DMXL1: variants seen among roughly 807,000 people sequenced by gnomAD.
DMXL1 encodes the protein Dmx like 1.
DMXL1 carries 99 observed loss-of-function variants against 319.2 expected under a neutral mutation model. That is an observed-to-expected ratio of 0.31 (90% CI 0.26 to 0.37). The LOEUF is 0.37. DMXL1 is among the 10% of genes least tolerant of loss of function. The probability of loss-of-function intolerance (pLI) is 1.00; values close to 1 mark genes in which losing one functional copy is unlikely to be tolerated. For synonymous variants in DMXL1, 1,385 were observed against 1,235.2 expected (o/e 1.12, Z -2.54); for missense variants, 3,745 against 3,595.6 (o/e 1.04, Z -1.06).
Position 119,118,855 on chromosome 5 carries a change from A to T in DMXL1, c.784A>T (p.Asn262Tyr). 6.2e-7 allele frequency: 1 copy of T among 1,613,786 alleles called. No homozygotes were observed. Among genetic ancestry groups the T allele is most frequent in the Non-Finnish European group, 8.5e-7 (1 of 1,179,892 alleles). Residue 262 changes from asparagine to tyrosine, a missense_variant, in exon 8 of 44, where the codon AAT becomes TAT. By Grantham distance (143) the Asn-to-Tyr change is moderately radical. This residue lies in a region of DMXL1 where 2,096 missense variants were observed against 1,985.4 expected (regional missense o/e 1.06). Transcript: ENST00000539542. ...CNVLLTCCKD[N>Y]VCRLWVETFL... ...TGTACTGTTGACTTGCTGCAAAGATAATGTGTGTCGTCTTTGGGTAGAGAC... is the reference window on the plus strand; with the variant it reads ...TGTACTGTTGACTTGCTGCAAAGATTATGTGTGTCGTCTTTGGGTAGAGAC...
At chr5:119,144,471 C>T in intron 14 of DMXL1, 65 bp from the exon 15 acceptor site, 1 of 1,133,196 alleles carries the variant, frequency 8.8e-7, no homozygotes, top group Non-Finnish European at 1.3e-6. Flanking sequence ...TATTATTTTT[C>T]TGGCTATTTA....
In DMXL1 at chr5:119,133,957, T is replaced by C; in HGVS notation, c.2033T>C (p.Ile678Thr). 6.2e-7 allele frequency: 1 copy of C among 1,614,198 alleles called. No homozygotes were observed. Among genetic ancestry groups the C allele is most frequent in the Non-Finnish European group, 8.5e-7 (1 of 1,180,026 alleles). ...GAGCAACCTTTTGATGCTCTAAATA[T>C]TGAAGAATGCTCTTTGACACAACAA... is the stretch of plus-strand genomic sequence containing the variant. Reference protein sequence around the residue: ...NPEQPFDALNIEECSLTQQNK... With the variant: ...NPEQPFDALNTEECSLTQQNK... The change falls in exon 12 of 44, where the codon ATT (isoleucine) becomes ACT (threonine). Residue 678 changes from isoleucine to threonine, a missense_variant. By Grantham distance (89) the Ile-to-Thr change is moderately conservative (BLOSUM62 -1). Around this residue, in one of 4 missense-constraint regions of DMXL1, gnomAD observed 2,096 missense variants for 1,985.4 expected, o/e 1.06. Transcript: ENST00000539542.
chr5:119,128,862 G>A (rs191215295), intron 9 of DMXL1, among the ~76,000 whole-genome samples: 7 of 152,180 alleles, frequency 4.6e-5, no homozygotes, highest in Admixed American at 2.0e-4. Flanking sequence ...TTGGGAGATC[G>A]AGACCATCTT....
intron 1 of DMXL1, among the ~76,000 whole-genome samples, chr5:119,089,292 A>ATATATATATTTTTTTTTTT (rs1193170456): frequency 2.5e-5 from 1 of 39,882 alleles, no homozygotes; most frequent in African/African-American, 8.4e-5. Flanking sequence ...ATATATATAT[A>ATATATATATTTTTTTTTTT]TTTTTTTTTT....
chr5:119,177,367 A>G lies in DMXL1; in HGVS notation c.6769A>G (p.Thr2257Ala), dbSNP rs111515969. ...CGSHNYSSFQTNQFTGMVYQT... is the reference protein window; with the variant it reads ...CGSHNYSSFQANQFTGMVYQT... ...GTTTTTTTCTCTTAGTTCATTTCAG[A>G]CGAATCAGTTTACTGGAATGGTATA... is the stretch of plus-strand genomic sequence containing the variant. The change falls in exon 27 of 44, where the codon ACG becomes GCG. Residue 2257 changes from threonine (T) to alanine (A), a missense_variant. Around this residue, in one of 4 missense-constraint regions of DMXL1, gnomAD observed 1,382 missense variants for 1,269.5 expected, o/e 1.09. Transcript: ENST00000539542. 1.3e-6 allele frequency: 2 copies of G among 1,549,206 alleles called. No homozygotes were observed. The highest frequency in any genetic ancestry group is 1.3e-5 in the South Asian group (1 of 78,308).
intron 13 of DMXL1, among the ~76,000 whole-genome samples, chr5:119,135,311 A>G (rs562859069): frequency 6.6e-6 from 1 of 152,314 alleles, no homozygotes; most frequent in East Asian, 1.9e-4. Flanking sequence ...AAATATATTA[A>G]TTAAAAATAC....
chr5:119,233,610 G>T lies in DMXL1; in HGVS notation c.8466+143G>T. ...TAGATGCTTTTAAATTCTTCTCAAA[G>T]AACACTTAACTTCACTTGTTCTTCC... On this transcript the variant is annotated intron_variant, in intron 39 of 43. Transcript: ENST00000539542. The T allele has an allele frequency of 8.6e-6, 5 of 584,676 alleles. 1 individual carries two copies. In the South Asian group the frequency reaches 1.3e-4, roughly 15 times the overall value. 36.2% of individuals were successfully genotyped at this position (584,676 alleles called of 1,614,324 possible).
At chr5:119,213,473 T>C (rs1783150352) in intron 34 of DMXL1, among the ~76,000 whole-genome samples, 1 of 152,206 alleles carries the variant, frequency 6.6e-6, no homozygotes, top group Non-Finnish European at 1.5e-5. Flanking sequence ...TGTTTACCTC[T>C]CTCAAATTAT....
At chr5:119,100,304 C>T (rs1406566080) in intron 2 of DMXL1, among the ~76,000 whole-genome samples, 3 of 151,604 alleles carry the variant, frequency 2.0e-5, no homozygotes, top group South Asian at 2.1e-4. Flanking sequence ...GGCGTGGTGG[C>T]GGGCGTCTGT....
chr5:119,081,818 A>G (rs1267904513), intron 1 of DMXL1: 2 of 703,726 alleles, frequency 2.8e-6, no homozygotes, highest in Non-Finnish European at 3.5e-6. Context: ...AGGTTTTAAG[A>G]AAAGAGTTCC....
intron 37 of DMXL1, among the ~76,000 whole-genome samples, chr5:119,221,584 C>G (rs73244825): frequency 0.022 from 3,396 of 152,146 alleles, 126 homozygotes; most frequent in African/African-American, 0.077. Flanking sequence ...TCCATTTTGT[C>G]TGTGGATGCC....
intron 1 of DMXL1, 35 bp downstream of exon 1, chr5:119,071,691 C>G (rs908116199): frequency 1.3e-6 from 2 of 1,542,124 alleles, no homozygotes; most frequent in Non-Finnish European, 8.8e-7. Context: ...GCCCGTGGCC[C>G]GGCCTTTGCC....
intron 1 of DMXL1, among the ~76,000 whole-genome samples, chr5:119,077,806 G>A (rs1751314360): frequency 7.4e-6 from 1 of 135,630 alleles, no homozygotes; most frequent in African/African-American, 2.9e-5. Context: ...TACTTACCTG[G>A]CGAGACCCTA....
intron 39 of DMXL1, 198 bp from the exon 40 acceptor site, chr5:119,237,124 C>G (rs906377672): frequency 2.9e-6 from 1 of 339,892 alleles, no homozygotes; most frequent in East Asian, 4.9e-5. Flanking sequence ...TGTTTGTTCT[C>G]TTTATGTTCA....
At chr5:119,216,623 A>C (rs532418588) in intron 34 of DMXL1, among the ~76,000 whole-genome samples, 8 of 152,328 alleles carry the variant, frequency 5.3e-5, no homozygotes, top group African/African-American at 1.9e-4. Flanking sequence ...TTGATCCTTT[A>C]AAGTTAATTA....
chr5:119,212,428 C>T lies in DMXL1; in HGVS notation c.7927-4473C>T, dbSNP rs114668972. On this transcript the variant is annotated intron_variant, in intron 34 of 43. Coordinates refer to ENST00000539542, the MANE Select transcript of DMXL1 (RefSeq NM_001290321.3). Reference sequence around the variant, plus strand: ...GCTGAATAGTATTCTAATGTATGTTCATACATTTTGTTTATCCATTCGTCA... The same window carrying T: ...GCTGAATAGTATTCTAATGTATGTTTATACATTTTGTTTATCCATTCGTCA... Among the ~76,000 whole-genome samples the T allele has an allele frequency of 2.0e-3, 310 of 152,270 alleles. 1 individual carries two copies. Among genetic ancestry groups the T allele is most frequent in the Middle Eastern group, 0.01 (3 of 294 alleles).
chr5:119,227,917 G>A (rs1785898619), intron 38 of DMXL1, among the ~76,000 whole-genome samples: 1 of 152,118 alleles, frequency 6.6e-6, no homozygotes, highest in African/African-American at 2.4e-5. Flanking sequence ...GAGAGAAAAA[G>A]TAATTGTTTT....
rs1374260187 is a variant in DMXL1, at chr5:119,149,452, G to C, written c.3625G>C (p.Val1209Leu). 4 of 1,613,864 alleles carry C rather than the reference G, an allele frequency of 2.5e-6. No individual in the cohort carries two copies. The highest frequency in any genetic ancestry group is 1.7e-6 in the Non-Finnish European group (2 of 1,179,912). ...ACGAAGTGTGGACCTAGTTTCTTCT[G>C]TAGATGGCTCCCCACCTTTTCCTGT... is the stretch of plus-strand genomic sequence containing the variant. ...LLRSVDLVSS[V>L]DGSPPFPVSL... Residue 1209 changes from valine (V) to leucine (L), a missense_variant, in exon 18 of 44, where the codon GTA (valine) becomes CTA (leucine). Coordinates refer to ENST00000539542, the MANE Select transcript of DMXL1 (RefSeq NM_001290321.3).
intron 8 of DMXL1, among the ~76,000 whole-genome samples, chr5:119,120,255 C>T (rs1207949212): frequency 6.6e-6 from 1 of 152,206 alleles, no homozygotes; most frequent in Non-Finnish European, 1.5e-5. Flanking sequence ...TATGATTATG[C>T]AGCAACAATT....
Sources: gnomAD v4.1 joint callset for allele counts (sites outside exome capture counted in the v4.1 genomes callset) on GRCh38, gnomAD v4.1.1 for gene constraint, gnomAD v4.1.1 regional missense constraint, MANE v1.5 for transcripts, NCBI Gene and HGNC (gene_info 2026-07-23, HGNC 2026-07-21) for gene names.